Variants in INPP4B observed in about 807,000 individuals in gnomAD.
The protein encoded by INPP4B is inositol polyphosphate 4-phosphatase type II.
Under a neutral mutation model 122.5 loss-of-function variants are expected in INPP4B, and 55 were observed. The observed-to-expected ratio is 0.45, with a 90% CI of 0.36 to 0.56. The LOEUF (loss-of-function observed/expected upper bound fraction) is 0.56, where lower values mean the gene tolerates loss of function less well. Ranked by LOEUF, INPP4B falls within the 20% of genes least tolerant of loss-of-function variation. INPP4B has a pLI of 0.00. For synonymous variants in INPP4B, 403 were observed against 388.7 expected, an observed-to-expected ratio of 1.04 and a Z score of -0.43; for missense variants, 1,000 against 1,097.7, an observed-to-expected ratio of 0.91 and a Z score of 1.26.
chr4:142,790,656 C>CA (rs1195199916), intron 1 of INPP4B, among the ~76,000 whole-genome samples: 1 of 151,632 alleles, frequency 6.6e-6, no homozygotes, highest in Non-Finnish European at 1.5e-5. Flanking sequence ...AGGAAAAAAA[C>CA]AAAAAACAAA....
At chr4:142,406,207 AGGT>A (rs769936376) in intron 5 of INPP4B, among the ~76,000 whole-genome samples, 4 of 152,092 alleles carry the variant, frequency 2.6e-5, no homozygotes, top group Non-Finnish European at 5.9e-5. Flanking sequence ...CCCTCACTAG[AGGT>A]GGTTCAAGTT....
intron 2 of INPP4B, among the ~76,000 whole-genome samples, chr4:142,464,789 T>C (rs1347591099): frequency 6.6e-6 from 1 of 152,210 alleles, no homozygotes; most frequent in Non-Finnish European, 1.5e-5. Context: ...TACTTTGGTC[T>C]AAATTTTTGT....
chr4:142,041,891 G>C (rs910637244), intron 25 of INPP4B, among the ~76,000 whole-genome samples: 1 of 152,056 alleles, frequency 6.6e-6, no homozygotes, highest in Non-Finnish European at 1.5e-5. Flanking sequence ...AGACATGTTA[G>C]GTAACAAGGC....
intron 1 of INPP4B, among the ~76,000 whole-genome samples, chr4:142,764,711 C>T (rs904454745): frequency 6.6e-6 from 1 of 152,032 alleles, no homozygotes; most frequent in Non-Finnish European, 1.5e-5. Context: ...TCCTCTACCC[C>T]ACCCTCCCAC....
chr4:142,644,738 C>CT (rs1448334264), intron 2 of INPP4B, among the ~76,000 whole-genome samples: 1 of 92,086 alleles, frequency 1.1e-5, no homozygotes, highest in East Asian at 2.8e-4. Context: ...CCCATCTCTA[C>CT]TTAAAAAAAA....
chr4:142,245,826 GTATGTATA>G, intron 11 of INPP4B, among the ~76,000 whole-genome samples: 2 of 118,806 alleles, frequency 1.7e-5, no homozygotes, highest in Non-Finnish European at 1.8e-5. Context: ...ACATATATGT[GTATGTATA>G]CATATATATG....
At chr4:142,558,793 T>TAAAAAAAAAAAAAAAA (rs34151070) in intron 2 of INPP4B, among the ~76,000 whole-genome samples, 5 of 75,546 alleles carry the variant, frequency 6.6e-5, no homozygotes, top group African/African-American at 2.0e-4. Flanking sequence ...AGACTCCCTC[T>TAAAAAAAAAAAAAAAA]AAAAAAAAAA....
intron 1 of INPP4B, among the ~76,000 whole-genome samples, chr4:142,816,869 G>T (rs554893023): frequency 6.6e-6 from 1 of 152,008 alleles, no homozygotes; most frequent in Non-Finnish European, 1.5e-5. Context: ...TATAATACAC[G>T]CTTTCAAATA....
intron 1 of INPP4B, among the ~76,000 whole-genome samples, chr4:142,814,715 C>G (rs560223779): frequency 1.3e-5 from 2 of 152,066 alleles, no homozygotes; most frequent in African/African-American, 2.4e-5. Context: ...GCAATTATAA[C>G]CCAAAGCATA....
chr4:142,328,250 G>A (rs973871470), intron 7 of INPP4B, among the ~76,000 whole-genome samples: 1 of 152,190 alleles, frequency 6.6e-6, no homozygotes, highest in Non-Finnish European at 1.5e-5. Context: ...TCAAAAGATT[G>A]ACAAAATTAA....
At chr4:142,437,562 T>C (rs4956443) in intron 3 of INPP4B, among the ~76,000 whole-genome samples, 133,063 of 152,050 alleles carry the variant, frequency 0.88, 59,281 homozygotes, top group Non-Finnish European at 0.95. Flanking sequence ...GCAGATCTCT[T>C]AGAAGAAACC....
intron 7 of INPP4B, among the ~76,000 whole-genome samples, chr4:142,360,673 G>GAGCT (rs1350097594): frequency 1.3e-5 from 2 of 151,918 alleles, no homozygotes; most frequent in Non-Finnish European, 2.9e-5. Context: ...CCAGGTCAGA[G>GAGCT]AGCTATACAC....
intron 23 of INPP4B, among the ~76,000 whole-genome samples, chr4:142,095,675 G>A (rs530211004): frequency 6.6e-6 from 1 of 152,122 alleles, no homozygotes; most frequent in Non-Finnish European, 1.5e-5. Context: ...GAGAATCAGT[G>A]ATTTCACGAA....
At chr4:142,354,003 CTG>C (rs1782772665) in intron 7 of INPP4B, among the ~76,000 whole-genome samples, 1 of 151,916 alleles carries the variant, frequency 6.6e-6, no homozygotes, top group African/African-American at 2.4e-5. Context: ...CATTTCCCCA[CTG>C]TGTGATTTAA....
intron 2 of INPP4B, among the ~76,000 whole-genome samples, chr4:142,624,254 G>A (rs1425242200): frequency 2.0e-5 from 3 of 151,736 alleles, no homozygotes; most frequent in Admixed American, 6.6e-5. Context: ...TTTAATGATT[G>A]CCATTCTAAC....
intron 21 of INPP4B, among the ~76,000 whole-genome samples, chr4:142,113,460 C>T (rs1332910864): frequency 1.3e-5 from 2 of 151,944 alleles, no homozygotes; most frequent in African/African-American, 4.8e-5. Flanking sequence ...AAGATATGCA[C>T]TGGGGAAATA....
chr4:142,349,477 T>TA (rs1781312095), intron 7 of INPP4B, among the ~76,000 whole-genome samples: 1 of 152,112 alleles, frequency 6.6e-6, no homozygotes, highest in East Asian at 1.9e-4. Flanking sequence ...ACCACTCTCT[T>TA]AGCAAATAGT....
At chr4:142,720,793 C>CTATATATATA (rs1253977495) in intron 2 of INPP4B, among the ~76,000 whole-genome samples, 1 of 37,380 alleles carries the variant, frequency 2.7e-5, no homozygotes, top group Non-Finnish European at 5.5e-5. Flanking sequence ...CTCTCTCTCT[C>CTATATATATA]TCTCTCTCTC....
intron 14 of INPP4B, among the ~76,000 whole-genome samples, chr4:142,199,146 C>A (rs1044670658): frequency 6.6e-6 from 1 of 151,946 alleles, no homozygotes; most frequent in Non-Finnish European, 1.5e-5. Context: ...AATTTAATGT[C>A]TTTTTCTCCA....
Sources: gnomAD v4.1 joint callset for allele counts (sites outside exome capture counted in the v4.1 genomes callset) on GRCh38, gnomAD v4.1.1 for gene constraint, MANE v1.5 for transcripts, NCBI Gene and HGNC (gene_info 2026-07-23, HGNC 2026-07-21) for gene names.